FBXL7: variants seen among roughly 807,000 people sequenced by gnomAD.
FBXL7 encodes F-box/LRR-repeat protein 7.
In FBXL7, 12 loss-of-function variants were observed where a neutral mutation model predicts 38.3. That is an observed-to-expected ratio of 0.31 (90% confidence interval 0.20 to 0.51). The LOEUF is 0.51. FBXL7 is among the 20% of genes least tolerant of loss of function. The pLI is 0.98. For synonymous variants in FBXL7, 297 were observed against 300.9 expected (o/e 0.99, Z 0.13); for missense variants, 567 against 676.4 (o/e 0.84, Z 1.79).
At chr5:15,819,599 A>T (rs557501933) in intron 2 of FBXL7, among the ~76,000 whole-genome samples, 40 of 152,140 alleles carry the variant, frequency 2.6e-4, no homozygotes, top group Non-Finnish European at 4.7e-4. Flanking sequence ...AAGGAGGGGG[A>T]AAGTGTTTCT....
intron 2 of FBXL7, among the ~76,000 whole-genome samples, chr5:15,814,058 C>T (rs536655860): frequency 1.3e-5 from 2 of 152,174 alleles, no homozygotes; most frequent in East Asian, 1.9e-4. Context: ...ACCATTTGAC[C>T]CAGCGATCCC....
chr5:15,606,158 T>G (rs1740006552), intron 1 of FBXL7, among the ~76,000 whole-genome samples: 1 of 152,156 alleles, frequency 6.6e-6, no homozygotes, highest in South Asian at 2.1e-4. Context: ...TAGAGGGCTA[T>G]CTTTTCTTTT....
intron 1 of FBXL7, among the ~76,000 whole-genome samples, chr5:15,566,280 G>A (rs1264780048): frequency 6.6e-6 from 1 of 152,080 alleles, no homozygotes; most frequent in Non-Finnish European, 1.5e-5. Flanking sequence ...GGCTTTCCCC[G>A]GCCTGTGCTC....
At chr5:15,830,389 C>T (rs556430093) in intron 2 of FBXL7, among the ~76,000 whole-genome samples, 1 of 151,920 alleles carries the variant, frequency 6.6e-6, no homozygotes, top group Non-Finnish European at 1.5e-5. Context: ...GAGGCCAAGG[C>T]TGGAGAATCA....
intron 2 of FBXL7, among the ~76,000 whole-genome samples, chr5:15,845,210 T>A (rs1000621559): frequency 2.0e-5 from 3 of 152,364 alleles, no homozygotes; most frequent in African/African-American, 7.2e-5. Flanking sequence ...AGCACACATT[T>A]GGACAATTTC....
chr5:15,534,397 T>C (rs1342157956), intron 1 of FBXL7, among the ~76,000 whole-genome samples: 1 of 152,212 alleles, frequency 6.6e-6, no homozygotes, highest in African/African-American at 2.4e-5. Flanking sequence ...CAGAGTGTCA[T>C]GTAGTTGAAA....
intron 2 of FBXL7, among the ~76,000 whole-genome samples, chr5:15,766,305 A>G (rs896945745): frequency 1.3e-5 from 2 of 152,164 alleles, no homozygotes; most frequent in African/African-American, 4.8e-5. Flanking sequence ...TATACCCACT[A>G]TATTGAATGT....
chr5:15,905,943 A>T (rs958264255), intron 2 of FBXL7, among the ~76,000 whole-genome samples: 1 of 151,368 alleles, frequency 6.6e-6, no homozygotes, highest in Non-Finnish European at 1.5e-5. Context: ...ACCAACTAGG[A>T]TGTTACCATA....
chr5:15,914,660 C>T (rs1298348030), intron 2 of FBXL7, among the ~76,000 whole-genome samples: 2 of 152,138 alleles, frequency 1.3e-5, no homozygotes, highest in Non-Finnish European at 2.9e-5. Context: ...CAGAAATGTT[C>T]CAACTTCTTC....
rs1421444215 is a variant in FBXL7 at position 15,937,103 on chromosome 5, G to A, written c.1393G>A (p.Glu465Lys). The A allele has an allele frequency of 1.9e-6, 3 of 1,613,740 alleles. No individual in the cohort carries two copies. Among genetic ancestry groups the A allele is most frequent in the East Asian group, 2.2e-5 (1 of 44,872 alleles). Reference sequence around the variant, plus strand: ...CCAGACGCTGAATGTCCAGGACTGCGAGGTCTCCGTGGAGGCCCTGCGCTT... The same window carrying A: ...CCAGACGCTGAATGTCCAGGACTGCAAGGTCTCCGTGGAGGCCCTGCGCTT... ...DLQTLNVQDC[E>K]VSVEALRFVK... The change falls in exon 4 of 4, where the codon GAG (glutamate) becomes AAG (lysine). Residue 465 changes from glutamate (E) to lysine (K), a missense_variant. By Grantham distance (56) the Glu-to-Lys change is moderately conservative. Transcript: ENST00000504595.
intron 1 of FBXL7, among the ~76,000 whole-genome samples, chr5:15,576,331 G>A (rs1000663531): frequency 4.6e-5 from 7 of 151,936 alleles, no homozygotes; most frequent in African/African-American, 9.7e-5. Flanking sequence ...TGATCCACCC[G>A]CCTTGGCCTC....
intron 2 of FBXL7, among the ~76,000 whole-genome samples, chr5:15,780,637 A>G (rs1279727709): frequency 1.3e-5 from 2 of 152,150 alleles, no homozygotes; most frequent in Non-Finnish European, 2.9e-5. Context: ...AAGTGGAGTA[A>G]AGGTTCTGGG....
intron 2 of FBXL7, among the ~76,000 whole-genome samples, chr5:15,837,735 A>G (rs1298215761): frequency 6.6e-6 from 1 of 152,146 alleles, no homozygotes; most frequent in Non-Finnish European, 1.5e-5. Context: ...CAAGTTAGTC[A>G]AAGACCATGA....
intron 2 of FBXL7, among the ~76,000 whole-genome samples, chr5:15,897,746 C>G (rs935114105): frequency 4.6e-5 from 7 of 152,156 alleles, no homozygotes; most frequent in Non-Finnish European, 8.8e-5. Flanking sequence ...GTTGAAGCCC[C>G]AGCCAGGCCT....
intron 1 of FBXL7, among the ~76,000 whole-genome samples, chr5:15,574,310 A>G (rs1343623579): frequency 6.6e-6 from 1 of 152,260 alleles, no homozygotes; most frequent in Non-Finnish European, 1.5e-5. Flanking sequence ...CTTTAACAAT[A>G]GAAATGCTTA....
intron 1 of FBXL7, among the ~76,000 whole-genome samples, chr5:15,538,504 G>T (rs1039997614): frequency 1.3e-5 from 2 of 152,188 alleles, no homozygotes; most frequent in African/African-American, 4.8e-5. Context: ...AATTGTATTG[G>T]TAGGACTGGA....
intron 2 of FBXL7, among the ~76,000 whole-genome samples, chr5:15,677,556 G>A (rs1338867267): frequency 6.6e-6 from 1 of 151,690 alleles, no homozygotes; most frequent in African/African-American, 2.4e-5. Context: ...AGGAAGGAAG[G>A]AAGGAAGGAA....
intron 2 of FBXL7, among the ~76,000 whole-genome samples, chr5:15,850,914 G>A (rs1739074242): frequency 6.6e-6 from 1 of 152,204 alleles, no homozygotes; most frequent in African/African-American, 2.4e-5. Context: ...CGTGTGCTCT[G>A]TGCCCTGCTC....
intron 2 of FBXL7, among the ~76,000 whole-genome samples, chr5:15,707,964 C>A (rs1172715634): frequency 1.3e-5 from 2 of 152,166 alleles, no homozygotes; most frequent in Non-Finnish European, 1.5e-5. Flanking sequence ...TATTTTCTAT[C>A]CCATCTTTAT....
Sources: allele counts gnomAD v4.1 joint callset (sites outside exome capture counted in the v4.1 genomes callset), GRCh38; gene constraint gnomAD v4.1.1; transcripts MANE v1.5; gene names NCBI Gene and HGNC (gene_info 2026-07-23, HGNC 2026-07-21).